Variants in SLIT2 observed in about 807,000 individuals in gnomAD.
The protein encoded by SLIT2 is slit guidance ligand 2, also known as slit homolog 2 protein.
In SLIT2, 41 loss-of-function variants were observed where a neutral mutation model predicts 185.7. The observed-to-expected ratio is 0.22, with a 90% CI of 0.17 to 0.29. The LOEUF is 0.29. SLIT2 is among the 10% of genes least tolerant of loss of function. The pLI is 1.00. For missense variants in SLIT2, 1,571 were observed against 1,909.0 expected, an observed-to-expected ratio of 0.82 and a Z score of 3.30; for synonymous variants, 693 against 680.2, an observed-to-expected ratio of 1.02 and a Z score of -0.29.
At chr4:20,463,448 GATATATATATATATAT>G (rs56256520) in intron 4 of SLIT2, among the ~76,000 whole-genome samples, 5,193 of 67,344 alleles carry the variant, frequency 0.077, 256 homozygotes, top group Admixed American at 0.2. Context: ...CTCAAACTGT[GATATATATATATATAT>G]ATATATATAT....
chr4:20,488,571 C>T (rs560482403), intron 7 of SLIT2, among the ~76,000 whole-genome samples: 9 of 151,868 alleles, frequency 5.9e-5, no homozygotes, highest in African/African-American at 1.7e-4. Flanking sequence ...TTTAAATGAA[C>T]GTAAGTGAAA....
intron 4 of SLIT2, among the ~76,000 whole-genome samples, chr4:20,272,841 C>T (rs1713774427): frequency 6.6e-6 from 1 of 152,084 alleles, no homozygotes; most frequent in Non-Finnish European, 1.5e-5. Flanking sequence ...CTTTTTACTT[C>T]TGGTTCTCAA....
intron 4 of SLIT2, among the ~76,000 whole-genome samples, chr4:20,308,241 C>T (rs1229094421): frequency 1.3e-5 from 2 of 152,124 alleles, no homozygotes; most frequent in South Asian, 2.1e-4. Flanking sequence ...AACGGGATGT[C>T]ATAGCTCACT....
chr4:20,546,194 C>G (rs568300478), intron 22 of SLIT2, 95 bp downstream of exon 22: 1 of 641,038 alleles, frequency 1.6e-6, no homozygotes, highest in African/African-American at 1.9e-5. Flanking sequence ...CCAGATAATA[C>G]AAATCATTCA....
At chr4:20,435,729 A>C (rs1335285466) in intron 4 of SLIT2, among the ~76,000 whole-genome samples, 1 of 152,230 alleles carries the variant, frequency 6.6e-6, no homozygotes, top group Admixed American at 6.5e-5. Context: ...TGTTGACTCT[A>C]GCTAGATCAG....
intron 4 of SLIT2, among the ~76,000 whole-genome samples, chr4:20,277,988 G>A (rs1314393568): frequency 6.6e-6 from 1 of 151,738 alleles, no homozygotes; most frequent in Non-Finnish European, 1.5e-5. Flanking sequence ...TGCATAGTTA[G>A]TAACACTTTA....
intron 9 of SLIT2, among the ~76,000 whole-genome samples, chr4:20,500,235 T>G (rs1403386434): frequency 6.6e-6 from 1 of 152,212 alleles, no homozygotes; most frequent in Non-Finnish European, 1.5e-5. Context: ...GAAAATATTT[T>G]AAAACATAAA....
chr4:20,440,912 A>C (rs921413595), intron 4 of SLIT2, among the ~76,000 whole-genome samples: 1 of 152,164 alleles, frequency 6.6e-6, no homozygotes, highest in African/African-American at 2.4e-5. Context: ...AGGCCTTTAC[A>C]AAGCATTTTG....
At chr4:20,288,237 G>T (rs1019016915) in intron 4 of SLIT2, among the ~76,000 whole-genome samples, 3 of 152,190 alleles carry the variant, frequency 2.0e-5, no homozygotes, top group Admixed American at 1.3e-4. Context: ...GGGCAAACAG[G>T]GTGGGATTCC....
chr4:20,303,641 A>G (rs190072156), intron 4 of SLIT2, among the ~76,000 whole-genome samples: 92 of 152,300 alleles, frequency 6.0e-4, no homozygotes, highest in African/African-American at 1.7e-3. Flanking sequence ...CACTGAATGG[A>G]TAAACAAACA....
At chr4:20,319,299 A>T (rs575847460) in intron 4 of SLIT2, among the ~76,000 whole-genome samples, 2 of 152,296 alleles carry the variant, frequency 1.3e-5, no homozygotes, top group East Asian at 1.9e-4. Flanking sequence ...GTATGAGTGT[A>T]CAAAAGTATT....
At chr4:20,272,467 T>C (rs2109036303) in intron 4 of SLIT2, among the ~76,000 whole-genome samples, 1 of 152,142 alleles carries the variant, frequency 6.6e-6, no homozygotes, top group African/African-American at 2.4e-5. Flanking sequence ...TTATGATTGA[T>C]TGAAATTTAT....
At chr4:20,258,266 C>T (rs938834395) in intron 3 of SLIT2, among the ~76,000 whole-genome samples, 5 of 151,516 alleles carry the variant, frequency 3.3e-5, no homozygotes, top group Admixed American at 1.3e-4. Context: ...AAAGGTGGTA[C>T]TTTTATTTGC....
intron 3 of SLIT2, among the ~76,000 whole-genome samples, chr4:20,263,169 A>C (rs1643911948): frequency 6.6e-6 from 1 of 151,628 alleles, no homozygotes; most frequent in African/African-American, 2.4e-5. Flanking sequence ...ACTGAATTTC[A>C]CAACTTGACA....
intron 11 of SLIT2, among the ~76,000 whole-genome samples, chr4:20,518,145 A>G (rs1720397769): frequency 6.8e-6 from 1 of 146,416 alleles, no homozygotes; most frequent in African/African-American, 2.5e-5. Context: ...ATATATTTAT[A>G]TATATACATA....
chr4:20,370,736 G>A (rs997717368), intron 4 of SLIT2, among the ~76,000 whole-genome samples: 3 of 152,090 alleles, frequency 2.0e-5, no homozygotes, highest in African/African-American at 7.2e-5. Context: ...GGACTGATCT[G>A]GATTCAAACA....
chr4:20,576,063 C>T (rs1726063952), intron 29 of SLIT2, among the ~76,000 whole-genome samples: 1 of 152,142 alleles, frequency 6.6e-6, no homozygotes, highest in African/African-American at 2.4e-5. Context: ...TCGGAAAACA[C>T]TTTGAATTGG....
intron 4 of SLIT2, among the ~76,000 whole-genome samples, chr4:20,442,929 A>T (rs1039329195): frequency 6.6e-6 from 1 of 152,040 alleles, no homozygotes; most frequent in African/African-American, 2.4e-5. Flanking sequence ...GAAAGAGAAA[A>T]TTTTGCTATT....
chr4:20,594,407 A>G (rs1418826859), intron 30 of SLIT2, among the ~76,000 whole-genome samples: 1 of 151,904 alleles, frequency 6.6e-6, no homozygotes, highest in African/African-American at 2.4e-5. Context: ...GTGTGTATAT[A>G]TATATATAAA....
Sources: allele counts gnomAD v4.1 joint callset (sites outside exome capture counted in the v4.1 genomes callset), GRCh38; gene constraint gnomAD v4.1.1; transcripts MANE v1.5; gene names NCBI Gene and HGNC (gene_info 2026-07-23, HGNC 2026-07-21).